Variants in PDE3B observed in about 807,000 individuals in gnomAD.
The protein encoded by PDE3B is phosphodiesterase 3B.
PDE3B carries 66 observed loss-of-function variants against 116.8 expected under a neutral mutation model. The ratio of observed to expected loss-of-function variants is 0.56; its 90% CI spans 0.46 to 0.69. The LOEUF is 0.69. Ranked by LOEUF, PDE3B falls within the 30% of genes least tolerant of loss-of-function variation. PDE3B has a pLI of 0.00. For synonymous variants in PDE3B, 595 were observed against 533.6 expected (o/e 1.12, Z -1.59); for missense variants, 1,384 against 1,368.1 (o/e 1.01, Z -0.18).
rs543849074 is a variant in PDE3B, at chr11:14,846,203, G to T, written c.2520+2177G>T. ...CAATATTCAACATTCTTAAAGAAAA[G>T]AATTTTCAACCCAGAATTTCATATC... On this transcript the variant is annotated intron_variant, in intron 12 of 15. Coordinates refer to ENST00000282096, the MANE Select transcript of PDE3B (RefSeq NM_000922.4). Among the ~76,000 whole-genome samples, 16 of 152,238 alleles carry T rather than the reference G, an allele frequency of 1.1e-4. No individual in the cohort carries two copies. The East Asian group carries it at 2.1e-3, about 20-fold the overall frequency.
chr11:14,656,952 G>A (rs1313397771), intron 1 of PDE3B, among the ~76,000 whole-genome samples: 1 of 152,106 alleles, frequency 6.6e-6, no homozygotes, highest in Non-Finnish European at 1.5e-5. Context: ...GGATTATATA[G>A]GGGAAATTCT....
At chr11:14,861,035 A>G (rs1847940380) in intron 13 of PDE3B, among the ~76,000 whole-genome samples, 170 bp from the exon 14 acceptor site, 1 of 152,194 alleles carries the variant, frequency 6.6e-6, no homozygotes. Context: ...AATTTAACCA[A>G]TAGAGGTCCA....
chr11:14,895,802 G>A, the PDE3B span, among the ~76,000 whole-genome samples: 1 of 152,210 alleles, frequency 6.6e-6, no homozygotes, highest in South Asian at 2.1e-4. Flanking sequence ...AAACCTGGTG[G>A]CAGGAGAGTA....
chr11:14,684,762 G>T (rs1351354981), intron 1 of PDE3B, among the ~76,000 whole-genome samples: 2 of 152,098 alleles, frequency 1.3e-5, no homozygotes, highest in Non-Finnish European at 2.9e-5. Context: ...AATATTCCTT[G>T]CTAGGAAAAT....
intron 5 of PDE3B, among the ~76,000 whole-genome samples, chr11:14,816,833 T>C (rs1205665081): frequency 6.6e-6 from 1 of 152,242 alleles, no homozygotes; most frequent in Non-Finnish European, 1.5e-5. Flanking sequence ...TTTTACACTG[T>C]TGGTGGGACT....
the PDE3B span, chr11:14,891,623 C>G: frequency 5.6e-6 from 6 of 1,079,322 alleles, no homozygotes; most frequent in African/African-American, 8.5e-5. Context: ...GCAAGACGCC[C>G]GCACCTGAGG....
At chr11:14,731,345 G>A (rs574417447) in intron 1 of PDE3B, among the ~76,000 whole-genome samples, 8 of 147,116 alleles carry the variant, frequency 5.4e-5, no homozygotes, top group African/African-American at 7.6e-5. Flanking sequence ...TGCAAGTTCC[G>A]CGTCCCGAGT....
At chr11:14,879,076 C>G in the PDE3B span, 4 of 1,493,236 alleles carry the variant, frequency 2.7e-6, no homozygotes, top group Non-Finnish European at 3.7e-6. Context: ...TATCATTATC[C>G]TTTATTCTAA....
chr11:14,670,270 A>G (rs1854323784), intron 1 of PDE3B, among the ~76,000 whole-genome samples: 1 of 152,206 alleles, frequency 6.6e-6, no homozygotes, highest in Non-Finnish European at 1.5e-5. Flanking sequence ...TTTTCAAAAT[A>G]GGTACAGTCA....
At chr11:14,874,658 T>C (rs1458175216), downstream of PDE3B, among the ~76,000 whole-genome samples, 2 of 152,240 alleles carry the variant, frequency 1.3e-5, no homozygotes, top group African/African-American at 4.8e-5. Flanking sequence ...CTTAAACTTC[T>C]ACTACTTGTC....
the PDE3B span, chr11:14,891,010 C>G: frequency 1.0e-6 from 1 of 985,466 alleles, no homozygotes. Context: ...CTGCCAACTC[C>G]TTAAAAGGCT....
chr11:14,673,644 G>A (rs1471380720), intron 1 of PDE3B: 2 of 682,488 alleles, frequency 2.9e-6, no homozygotes, highest in Non-Finnish European at 5.6e-6. Flanking sequence ...ACTAAACAAA[G>A]TTGTAGAATT....
the PDE3B span, among the ~76,000 whole-genome samples, chr11:14,897,951 AG>A: frequency 6.6e-6 from 1 of 152,148 alleles, no homozygotes; most frequent in East Asian, 1.9e-4. Flanking sequence ...TCATTTAACG[AG>A]AAAGGCTCTA....
the PDE3B span, chr11:14,891,355 C>T: frequency 9.1e-6 from 9 of 985,444 alleles, no homozygotes; most frequent in Non-Finnish European, 1.1e-5. Context: ...CCAGTCAGAA[C>T]GGCATTACCA....
At chr11:14,655,050 A>G (rs1456880614) in intron 1 of PDE3B, among the ~76,000 whole-genome samples, 1 of 152,216 alleles carries the variant, frequency 6.6e-6, no homozygotes, top group Non-Finnish European at 1.5e-5. Flanking sequence ...CAATAAATAT[A>G]GAAGCAAAAA....
intron 1 of PDE3B, among the ~76,000 whole-genome samples, chr11:14,738,246 G>A (rs1335699771): frequency 6.6e-6 from 1 of 152,196 alleles, no homozygotes; most frequent in African/African-American, 2.4e-5. Context: ...CAGTGTAAAA[G>A]TGTTCCTATT....
Position 14,870,790 on chromosome 11 carries a change from CAAGTA to C in PDE3B, c.*1134_*1138del, listed in dbSNP as rs1397716563. ...TAACTGCAAGACTGATTTCTGAGAACAAGTAAAGAACTGGAATACTTATTTTTCAT... is the reference window on the plus strand; with the variant it reads ...TAACTGCAAGACTGATTTCTGAGAACAAGAACTGGAATACTTATTTTTCAT... On this transcript the variant is annotated 3_prime_UTR_variant, in exon 16 of 16. Transcript: ENST00000282096. The surrounding 1 kb of genome is among the most constrained non-coding windows in gnomAD (Gnocchi z 4.1). 4.0e-4 allele frequency: 61 copies of C among 152,126 alleles called. No individual in the cohort carries two copies. The highest frequency in any genetic ancestry group is 1.3e-3 in the African/African-American group (52 of 41,522). The allele number at this position is 152,126 out of a possible 1,614,324, so 9.4% of individuals were successfully genotyped here.
chr11:14,892,245 G>T, the PDE3B span: 15 of 1,577,944 alleles, frequency 9.5e-6, 1 homozygote, highest in East Asian at 3.4e-4. Flanking sequence ...GCAGCCCTGA[G>T]ACCCAGGCAC....
intron 7 of PDE3B, among the ~76,000 whole-genome samples, chr11:14,821,486 T>A (rs1859512849): frequency 6.6e-6 from 1 of 151,952 alleles, no homozygotes; most frequent in Non-Finnish European, 1.5e-5. Context: ...ATCTGTAAGA[T>A]AATAGTTATT....
Sources: allele counts gnomAD v4.1 joint callset (sites outside exome capture counted in the v4.1 genomes callset), GRCh38; gene constraint gnomAD v4.1.1; non-coding constraint Gnocchi (gnomAD v3.1); transcripts MANE v1.5; gene names NCBI Gene and HGNC (gene_info 2026-07-23, HGNC 2026-07-21).